HMGCLL1: variants seen among roughly 807,000 people sequenced by gnomAD.
HMGCLL1 encodes the protein 3-hydroxymethyl-3-methylglutaryl-CoA lyase, cytoplasmic.
Under a neutral mutation model 39.1 loss-of-function variants are expected in HMGCLL1, and 36 were observed. That is an observed-to-expected ratio of 0.92 (90% CI 0.71 to 1.22). The LOEUF is 1.22. Among genes scored for constraint, HMGCLL1 ranks in the 50% most tolerant of loss-of-function variants. The pLI is 0.00. For synonymous variants in HMGCLL1, 149 were observed against 144.0 expected, an observed-to-expected ratio of 1.03 and a Z score of -0.25; for missense variants, 451 against 416.5, an observed-to-expected ratio of 1.08 and a Z score of -0.72.
intron 1 of HMGCLL1, among the ~76,000 whole-genome samples, chr6:55,553,139 ATCTCTC>A (rs111529086): frequency 7.4e-4 from 98 of 132,900 alleles, no homozygotes; most frequent in African/African-American, 2.2e-3. Flanking sequence ...GCAAAACTCC[ATCTCTC>A]TCTCTCTCTC....
the HMGCLL1 span, among the ~76,000 whole-genome samples, chr6:55,647,681 T>G: frequency 6.6e-6 from 1 of 150,908 alleles, no homozygotes; most frequent in African/African-American, 2.4e-5. Context: ...ATAAAAATTC[T>G]ACACTTTAAT....
At chr6:55,438,246 G>A (rs987598044) in intron 8 of HMGCLL1, among the ~76,000 whole-genome samples, 8 of 152,166 alleles carry the variant, frequency 5.3e-5, no homozygotes, top group African/African-American at 1.7e-4. Flanking sequence ...AGAGAAAATA[G>A]GCAATAGCTT....
the HMGCLL1 span, among the ~76,000 whole-genome samples, chr6:55,585,503 T>G: frequency 5.0e-3 from 755 of 152,254 alleles, 9 homozygotes; most frequent in African/African-American, 0.017. Context: ...TGGGTTATAA[T>G]AAGATCTTAA....
the HMGCLL1 span, among the ~76,000 whole-genome samples, chr6:55,649,603 A>G: frequency 6.6e-6 from 1 of 151,760 alleles, no homozygotes; most frequent in Admixed American, 6.6e-5. Context: ...ATCTTCTTGT[A>G]CTTGAATGTT....
the HMGCLL1 span, among the ~76,000 whole-genome samples, chr6:55,632,760 T>A: frequency 6.6e-6 from 1 of 152,066 alleles, no homozygotes; most frequent in Non-Finnish European, 1.5e-5. Context: ...GCATTAAAGG[T>A]TACCATGCCT....
chr6:55,650,090 C>CAT, the HMGCLL1 span, among the ~76,000 whole-genome samples: 1,888 of 51,990 alleles, frequency 0.036, 40 homozygotes, highest in Non-Finnish European at 0.049. Context: ...CACACATATA[C>CAT]ATATATATAT....
At chr6:55,625,606 G>T in the HMGCLL1 span, among the ~76,000 whole-genome samples, 1 of 152,120 alleles carries the variant, frequency 6.6e-6, no homozygotes, top group African/African-American at 2.4e-5. Flanking sequence ...AGCAATGAAG[G>T]GAAATCTTCC....
At chr6:55,666,505 A>G in the HMGCLL1 span, among the ~76,000 whole-genome samples, 2 of 151,696 alleles carry the variant, frequency 1.3e-5, no homozygotes, top group Non-Finnish European at 1.5e-5. Flanking sequence ...ATGTTATTGC[A>G]TCTAATATTA....
At chr6:55,471,640 G>A (rs999672515) in intron 7 of HMGCLL1, among the ~76,000 whole-genome samples, 1 of 151,532 alleles carries the variant, frequency 6.6e-6, no homozygotes, top group Non-Finnish European at 1.5e-5. Context: ...TCCCTTTTAT[G>A]AGTAATACTG....
chr6:55,673,071 C>T, the HMGCLL1 span, among the ~76,000 whole-genome samples: 1 of 151,980 alleles, frequency 6.6e-6, no homozygotes, highest in Non-Finnish European at 1.5e-5. Flanking sequence ...TCAGCTGATA[C>T]CTATGCAACC....
Position 55,495,380 on chromosome 6 carries a change from C to A in HMGCLL1, c.795+39G>T, listed in dbSNP as rs970698429. ...TTTATATTACAGATAAAGATGAACA[C>A]CCTATGCACACACATAACACACAAA... On this transcript the variant is annotated intron_variant, in intron 7 of 8. Transcript: ENST00000274901. The A allele has an allele frequency of 2.8e-6, 4 of 1,453,932 alleles. No homozygotes were observed. In the South Asian group the frequency reaches 3.6e-5, roughly 13 times the overall value. 90.1% of individuals were successfully genotyped at this position (1,453,932 alleles called of 1,614,324 possible).
At chr6:55,610,205 G>T in the HMGCLL1 span, among the ~76,000 whole-genome samples, 1 of 152,042 alleles carries the variant, frequency 6.6e-6, no homozygotes, top group African/African-American at 2.4e-5. Context: ...ACAGAAGTAG[G>T]CTTCAGAAGG....
chr6:55,572,516 A>C (rs1231537824), intron 1 of HMGCLL1, among the ~76,000 whole-genome samples: 3 of 152,092 alleles, frequency 2.0e-5, no homozygotes, highest in African/African-American at 4.8e-5. Context: ...CATTACCTTT[A>C]TAACTTGTTC....
intron 7 of HMGCLL1, among the ~76,000 whole-genome samples, chr6:55,458,990 T>A (rs936858810): frequency 1.3e-5 from 2 of 152,200 alleles, no homozygotes; most frequent in African/African-American, 4.8e-5. Flanking sequence ...CTGTATTTTA[T>A]AACAGAAGAT....
rs146958165 is a variant in HMGCLL1 at position 55,518,956 on chromosome 6, A to T, written c.298-2353T>A. Among the ~76,000 whole-genome samples the T allele has an allele frequency of 2.4e-4, 37 of 152,274 alleles. No homozygotes were observed. The East Asian group carries it at 6.2e-3, about 25-fold the overall frequency. The stretch of plus-strand genomic sequence containing the variant: ...TTCATTTTACAGCTATAAAAGCTGC[A>T]ACACTGAAAAACCAATAGGGTTGGA... On this transcript the variant is annotated intron_variant, in intron 3 of 8. Transcript: ENST00000274901.
At chr6:55,633,446 T>C in the HMGCLL1 span, among the ~76,000 whole-genome samples, 4 of 151,520 alleles carry the variant, frequency 2.6e-5, no homozygotes, top group South Asian at 8.3e-4. Flanking sequence ...GGATTAAACA[T>C]TGAAATGAGA....
At position 55,463,750 on chromosome 6, in the gene HMGCLL1, C is replaced by T. The variant is rs976993396; in HGVS notation, c.796-24191G>A. On this transcript the variant is annotated intron_variant, in intron 7 of 8. Coordinates refer to ENST00000274901, the MANE Select transcript of HMGCLL1 (RefSeq NM_001042406.2). ...AAGAAAGTGAGCTTTGTTTGTTGTTCTGTTTTTGATTGAGCTGTCCGTTTT... is the reference window on the plus strand; with the variant it reads ...AAGAAAGTGAGCTTTGTTTGTTGTTTTGTTTTTGATTGAGCTGTCCGTTTT... Among the ~76,000 whole-genome samples the T allele has an allele frequency of 2.0e-5, 3 of 152,118 alleles. No homozygotes were observed. The South Asian group carries it at 6.2e-4, about 32-fold the overall frequency.
chr6:55,489,619 G>C (rs188983154), intron 7 of HMGCLL1, among the ~76,000 whole-genome samples: 21 of 152,044 alleles, frequency 1.4e-4, no homozygotes, highest in African/African-American at 5.1e-4. Flanking sequence ...ATAATGAGTT[G>C]TACTGATTTT....
the HMGCLL1 span, among the ~76,000 whole-genome samples, chr6:55,601,504 A>T: frequency 1.3e-5 from 2 of 152,198 alleles, no homozygotes; most frequent in Non-Finnish European, 2.9e-5. Context: ...TAACCAAAAC[A>T]AGTCCCAAAT....
Sources: gnomAD v4.1 joint callset for allele counts (sites outside exome capture counted in the v4.1 genomes callset) on GRCh38, gnomAD v4.1.1 for gene constraint, MANE v1.5 for transcripts, NCBI Gene and HGNC (gene_info 2026-07-23, HGNC 2026-07-21) for gene names.